SRP14: variants seen among roughly 807,000 people sequenced by gnomAD.
SRP14 encodes the protein signal recognition particle 14 kDa protein.
SRP14 carries 1 observed loss-of-function variant against 16.0 expected under a neutral mutation model. The observed-to-expected ratio is 0.06, with a 90% CI of 0.02 to 0.30. The LOEUF (loss-of-function observed/expected upper bound fraction) is 0.30, where lower values mean the gene tolerates loss of function less well. SRP14 is among the 10% of genes least tolerant of loss of function. The probability of loss-of-function intolerance (pLI) is 1.00; values close to 1 mark genes in which losing one functional copy is unlikely to be tolerated. For missense variants in SRP14, 120 were observed against 163.1 expected (o/e 0.74, Z 1.44); for synonymous variants, 67 against 60.1 (o/e 1.12, Z -0.53).
chr15:40,038,064 T>G (rs1463989352), intron 3 of SRP14, among the ~76,000 whole-genome samples: 1 of 152,238 alleles, frequency 6.6e-6, no homozygotes, highest in African/African-American at 2.4e-5. Flanking sequence ...TACTTTCATT[T>G]CCACAAGAGC....
At chr15:40,036,928 C>G in intron 4 of SRP14, 58 bp downstream of exon 4, 15 of 1,583,820 alleles carry the variant, frequency 9.5e-6, no homozygotes, top group Non-Finnish European at 1.2e-5. Flanking sequence ...ACCCAGTGTT[C>G]ACTATCATAC....
chr15:40,036,603 G>A (rs981785077), intron 4 of SRP14, 103 bp from the exon 5 acceptor site: 1 of 1,139,882 alleles, frequency 8.8e-7, no homozygotes, highest in African/African-American at 1.5e-5. Context: ...AATCAGGAAA[G>A]AATATAGCAC....
chr15:40,037,497 A>T, intron 3 of SRP14: 1 of 414,440 alleles, frequency 2.4e-6, no homozygotes, highest in East Asian at 1.1e-4. Flanking sequence ...AGCTACCACA[A>T]AATAAATTCT....
intron 2 of SRP14, 61 bp downstream of exon 2, chr15:40,038,815 C>G: frequency 6.4e-7 from 1 of 1,574,038 alleles, no homozygotes; most frequent in Admixed American, 1.7e-5. Flanking sequence ...AGACAGACTC[C>G]GGTGGCTCCC....
rs1200116159 is a variant in SRP14 at position 40,036,415 on chromosome 15, G to A, written c.329C>T (p.Ala110Val). 3 of 1,613,942 alleles carry A rather than the reference G, an allele frequency of 1.9e-6. No homozygotes were observed. The highest frequency in any genetic ancestry group is 1.7e-6 in the Non-Finnish European group (2 of 1,180,034). ...GGCAGGTGCTGCTGCTGCTGCTGCT[G>A]CTGCTGCTTTGGTCTTCTTAGTTTT... ...KNKTKKTKAAAAAAAAAPAAA... is the reference protein window; with the variant it reads ...KNKTKKTKAAVAAAAAAPAAA... Residue 110 changes from alanine (A) to valine (V), a missense_variant, in exon 5 of 5, where the codon GCA (alanine) becomes GTA (valine). This residue lies in a region of SRP14 where 43 missense variants were observed against 37.0 expected (regional missense o/e 1.16). Coordinates refer to ENST00000267884, the MANE Select transcript of SRP14 (RefSeq NM_003134.6).
chr15:40,036,584 G>A (rs1025948058), intron 4 of SRP14, 84 bp from the exon 5 acceptor site: 74 of 1,394,920 alleles, frequency 5.3e-5, no homozygotes, highest in Non-Finnish European at 6.2e-5. Context: ...TGGATTTAGG[G>A]TAGCCAAAAA....
intron 2 of SRP14, chr15:40,038,640 A>T: frequency 1.6e-6 from 1 of 611,352 alleles, no homozygotes; most frequent in Non-Finnish European, 2.9e-6. Flanking sequence ...GGGATCCCTG[A>T]CAAAGAGCCC....
intron 3 of SRP14, chr15:40,037,399 T>C (rs1022074402): frequency 1.9e-5 from 23 of 1,179,588 alleles, no homozygotes; most frequent in Non-Finnish European, 1.6e-5. Flanking sequence ...TTTTTATACA[T>C]TAATAGAAGA....
intron 2 of SRP14, 93 bp from the exon 3 acceptor site, chr15:40,038,487 C>A: frequency 2.3e-6 from 2 of 852,816 alleles, no homozygotes; most frequent in Non-Finnish European, 4.0e-6. Context: ...TAAGTGATGA[C>A]CTAACCCAGC....
intron 2 of SRP14, 61 bp from the exon 3 acceptor site, chr15:40,038,455 C>CA: frequency 8.5e-7 from 1 of 1,173,464 alleles, no homozygotes; most frequent in South Asian, 1.2e-5. Flanking sequence ...GGCAGACAAA[C>CA]AGTTAAAACA....
In SRP14 at chr15:40,038,927, G is replaced by C. The variant is rs1165267809; in HGVS notation, c.46C>G (p.Leu16Val). ...SEQFLTELTR[L>V]FQKCRTSGSV... is the part of the protein sequence containing the mutation. ...CCCGACGTCCGGCACTTCTGGAAAA[G>C]TCTGGTCAGCTCCGTCAGGAACTGG... The change falls in exon 2 of 5, where the codon CTT (leucine) becomes GTT (valine). Residue 16 changes from leucine (L) to valine (V), a missense_variant. Around this residue, in one of 3 missense-constraint regions of SRP14, gnomAD observed 33 missense variants for 33.0 expected, o/e 1.00. Transcript: ENST00000267884. 1.2e-6 allele frequency: 2 copies of C among 1,613,120 alleles called. No homozygotes were observed. The highest frequency in any genetic ancestry group is 2.2e-5 in the South Asian group (2 of 90,972).
In SRP14 at chr15:40,036,276, A is replaced by G; in HGVS notation, c.*57T>C. 6.2e-7 allele frequency: 1 copy of G among 1,602,514 alleles called. No homozygotes were observed. Among genetic ancestry groups the G allele is most frequent in the Non-Finnish European group, 8.5e-7 (1 of 1,171,186 alleles). ...GAACCAGAAACCTAGCTATCTGGCC[A>G]AAAGGAAAAAATAGCAATTCAGTGG... On this transcript the variant is annotated 3_prime_UTR_variant, in exon 5 of 5. Transcript: ENST00000267884.
intron 3 of SRP14, among the ~76,000 whole-genome samples, chr15:40,038,080 C>T (rs1250602513): frequency 7.2e-5 from 11 of 152,224 alleles, no homozygotes; most frequent in Admixed American, 7.2e-4. Context: ...AGAGCTTTAG[C>T]AGAACTAACG....
rs1335022255 is a variant in SRP14 at position 40,039,103 on chromosome 15, T to G, written c.14A>C (p.Glu5Ala). 6.2e-6 allele frequency: 10 copies of G among 1,612,680 alleles called. No homozygotes were observed. The highest frequency in any genetic ancestry group is 3.4e-6 in the Non-Finnish European group (4 of 1,179,680). Residue 5 changes from glutamate to alanine, a missense_variant, in exon 1 of 5, where the codon GAG (glutamate) becomes GCG (alanine). Glu to Ala is a moderately radical substitution (Grantham distance 107). Coordinates refer to ENST00000267884, the MANE Select transcript of SRP14 (RefSeq NM_003134.6). ...CAGGCCTAGCCATACCTGCTCGCTC[T>G]CCAACAACACCATCGCGGCGACGCT... MVLLESEQFLTELTR... is the reference protein window; with the variant it reads MVLLASEQFLTELTR...
chr15:40,037,744 A>G lies in SRP14; in HGVS notation c.210+538T>C, dbSNP rs532901590. ...GTATAGTCTACATTTTCATGCAGTC[A>G]GTATCCTACACTAATGTGATTTCTG... On this transcript the variant is annotated intron_variant, in intron 3 of 4. Coordinates refer to ENST00000267884, the MANE Select transcript of SRP14 (RefSeq NM_003134.6). Among the ~76,000 whole-genome samples, 25 of 152,370 alleles carry G rather than the reference A, an allele frequency of 1.6e-4. No individual in the cohort carries two copies. The East Asian group carries it at 4.6e-3, about 28-fold the overall frequency.
At chr15:40,037,067 C>T in intron 3 of SRP14, 49 bp from the exon 4 acceptor site, 12 of 1,593,724 alleles carry the variant, frequency 7.5e-6, no homozygotes, top group Non-Finnish European at 8.6e-6. Context: ...ATATAAGCAT[C>T]CTCTTCTCCA....
upstream of SRP14, chr15:40,039,196 T>A: frequency 6.6e-7 from 1 of 1,512,752 alleles, no homozygotes; most frequent in South Asian, 1.2e-5. Context: ...TGGGCGGGAC[T>A]TCCGCTACTA....
chr15:40,037,279 G>GGAAAAAAA lies in SRP14; in HGVS notation c.211-262_211-261insTTTTTTTC, dbSNP rs1555424355. The GGAAAAAAA allele has an allele frequency of 1.3e-4, 95 of 749,838 alleles. 2 individuals are homozygous for GGAAAAAAA. The East Asian group carries it at 1.4e-3, about 11-fold the overall frequency. The allele number at this position is 749,838 out of a possible 1,614,324, so 46.4% of individuals were successfully genotyped here. A position where few individuals can be genotyped will look rare whatever the true frequency, so the allele number is the denominator to read the frequency against. On this transcript the variant is annotated intron_variant, in intron 3 of 4. Transcript: ENST00000267884. ...TGAAAGGCAGTAGGCTCCTTTTGGGGAAAAAAAAAAAAAAAGCTTTGTTTC... is the reference window on the plus strand; with the variant it reads ...TGAAAGGCAGTAGGCTCCTTTTGGGGGAAAAAAAAAAAAAAAAAAAAAAGCTTTGTTTC...
rs149732177 is a variant in SRP14 at position 40,036,316 on chromosome 15, C to T, written c.*17G>A. 5.3e-5 allele frequency: 86 copies of T among 1,611,692 alleles called. No individual in the cohort carries two copies. In the African/African-American group the frequency reaches 9.1e-4, roughly 17 times the overall value. Reference sequence around the variant, plus strand: ...CAATTCAGTGGTTAATTGGTGAAAGCAGGAAATGTATGCCCTTTACTGTGC... The same window carrying T: ...CAATTCAGTGGTTAATTGGTGAAAGTAGGAAATGTATGCCCTTTACTGTGC... On this transcript the variant is annotated 3_prime_UTR_variant, in exon 5 of 5. Transcript: ENST00000267884.
Sources: allele counts gnomAD v4.1 joint callset (sites outside exome capture counted in the v4.1 genomes callset), GRCh38; gene constraint gnomAD v4.1.1; regional missense constraint gnomAD v4.1.1; transcripts MANE v1.5; gene names NCBI Gene and HGNC (gene_info 2026-07-23, HGNC 2026-07-21).